NAA35: variants seen among roughly 807,000 people sequenced by gnomAD.
The protein encoded by NAA35 is MAK10 homolog, amino-acid N-acetyltransferase subunit.
Under a neutral mutation model 101.7 loss-of-function variants are expected in NAA35, and 18 were observed. The observed-to-expected ratio is 0.18, with a 90% CI of 0.12 to 0.26. The LOEUF is 0.26. Ranked by LOEUF, NAA35 falls within the 10% of genes least tolerant of loss-of-function variation. The probability of loss-of-function intolerance (pLI) is 1.00; values close to 1 mark genes in which losing one functional copy is unlikely to be tolerated. For missense variants in NAA35, 601 were observed against 886.8 expected, an observed-to-expected ratio of 0.68 and a Z score of 4.09; for synonymous variants, 267 against 273.1, an observed-to-expected ratio of 0.98 and a Z score of 0.22.
At chr9:85,994,317 C>T (rs1831065359) in intron 11 of NAA35, among the ~76,000 whole-genome samples, 1 of 152,152 alleles carries the variant, frequency 6.6e-6, no homozygotes. Flanking sequence ...CTCCCAGTTC[C>T]CTCCTCCCCA....
chr9:85,967,946 C>T (rs1267948963), intron 6 of NAA35, among the ~76,000 whole-genome samples: 1 of 152,148 alleles, frequency 6.6e-6, no homozygotes, highest in Admixed American at 6.5e-5. Flanking sequence ...TGCTCACATG[C>T]CCAAAATAGG....
At chr9:85,961,897 T>G in intron 5 of NAA35, 116 bp from the exon 6 acceptor site, 1 of 646,562 alleles carries the variant, frequency 1.5e-6, no homozygotes. Flanking sequence ...TTTTTTTAAG[T>G]CTTGTGATTA....
At chr9:85,955,346 ATATATATATATATATT>A (rs1487857808) in intron 2 of NAA35, among the ~76,000 whole-genome samples, 12 of 69,376 alleles carry the variant, frequency 1.7e-4, no homozygotes, top group African/African-American at 7.8e-4. Flanking sequence ...ATATATATAT[ATATATATATATATATT>A]TTTTTTTTTT....
intron 13 of NAA35, 115 bp from the exon 14 acceptor site, chr9:86,007,243 A>G (rs1302661470): frequency 1.5e-6 from 1 of 673,584 alleles, no homozygotes; most frequent in African/African-American, 1.8e-5. Flanking sequence ...AATTTTCACA[A>G]ACTTTTTATA....
Position 85,941,184 on chromosome 9 carries a change from G to C in NAA35, c.-95G>C. ...CACGCTGCCGGTCGGGCTGGGCTGA[G>C]AGGGGAGGGGGCGGCGGCGGCCGAG... On this transcript the variant is annotated 5_prime_UTR_variant, in exon 1 of 23. Coordinates refer to ENST00000361671, the MANE Select transcript of NAA35 (RefSeq NM_024635.4). 1.0e-6 allele frequency: 1 copy of C among 986,868 alleles called. No homozygotes were observed. Among genetic ancestry groups the C allele is most frequent in the Non-Finnish European group, 1.2e-6 (1 of 830,898 alleles). The allele number at this position is 986,868 out of a possible 1,614,324, so 61.1% of individuals were successfully genotyped here.
At chr9:86,014,372 A>G (rs1291904014) in intron 17 of NAA35, 1 of 983,050 alleles carries the variant, frequency 1.0e-6, no homozygotes, top group African/African-American at 1.7e-5. Context: ...GATCTTCGGC[A>G]GAGTAGTTCT....
At chr9:85,997,502 T>A (rs1831214990) in intron 12 of NAA35, among the ~76,000 whole-genome samples, 1 of 151,808 alleles carries the variant, frequency 6.6e-6, no homozygotes, top group Admixed American at 6.6e-5. Flanking sequence ...CCACCATGCA[T>A]GGCTAATTTT....
Position 85,964,092 on chromosome 9 carries a change from A to G in NAA35, c.516+1912A>G, listed in dbSNP as rs146222223. Among the ~76,000 whole-genome samples the G allele has an allele frequency of 4.0e-3, 613 of 151,906 alleles. 9 individuals are homozygous for G. Among genetic ancestry groups the G allele is most frequent in the African/African-American group, 0.014 (582 of 41,416 alleles). ...ACTCAAATACTCTATGTGTGTGTCAATGAATATGAGCAGTCATTATTTCCC... is the reference window on the plus strand; with the variant it reads ...ACTCAAATACTCTATGTGTGTGTCAGTGAATATGAGCAGTCATTATTTCCC... On this transcript the variant is annotated intron_variant, in intron 6 of 22. Coordinates refer to ENST00000361671, the MANE Select transcript of NAA35 (RefSeq NM_024635.4).
At chr9:85,991,782 G>A (rs1830922270) in intron 11 of NAA35, among the ~76,000 whole-genome samples, 1 of 152,140 alleles carries the variant, frequency 6.6e-6, no homozygotes, top group Non-Finnish European at 1.5e-5. Context: ...ACTTTATTTG[G>A]GAAAGGGATC....
intron 3 of NAA35, among the ~76,000 whole-genome samples, chr9:85,956,970 G>A (rs533190343): frequency 6.6e-6 from 1 of 152,132 alleles, no homozygotes; most frequent in African/African-American, 2.4e-5. Context: ...AGAGGAGGAC[G>A]CAAGAGAGAG....
rs1007627785 is a variant in NAA35, at chr9:85,948,877, C to G, written c.124+6594C>G. 4.6e-5 allele frequency among the ~76,000 whole-genome samples: 7 copies of G among 152,200 alleles called. No individual in the cohort carries two copies. In the East Asian group the frequency reaches 9.7e-4, roughly 21 times the overall value. On this transcript the variant is annotated intron_variant, in intron 2 of 22. Coordinates refer to ENST00000361671, the MANE Select transcript of NAA35 (RefSeq NM_024635.4). ...GGTTCAGGCGATTCTCCTGCCTCAG[C>G]CTCCCGGGTAGCAGGGATTACTGGC...
intron 2 of NAA35, among the ~76,000 whole-genome samples, chr9:85,951,251 C>T (rs1829008435): frequency 6.6e-6 from 1 of 151,990 alleles, no homozygotes; most frequent in Admixed American, 6.6e-5. Flanking sequence ...TAGAGTTTGA[C>T]ATTTTTGCAA....
At chr9:85,989,949 C>T (rs575254137) in intron 11 of NAA35, among the ~76,000 whole-genome samples, 8 of 152,070 alleles carry the variant, frequency 5.3e-5, no homozygotes, top group African/African-American at 1.2e-4. Flanking sequence ...TAACCAATGG[C>T]GATAGAGATA....
intron 6 of NAA35, among the ~76,000 whole-genome samples, chr9:85,970,708 T>A (rs1829964632): frequency 6.6e-6 from 1 of 152,070 alleles, no homozygotes; most frequent in Non-Finnish European, 1.5e-5. Context: ...TGAAGTACTG[T>A]TTGAAAAGAT....
At chr9:85,996,648 T>A (rs1398801529) in intron 12 of NAA35, 71 bp downstream of exon 12, 7 of 1,194,454 alleles carry the variant, frequency 5.9e-6, no homozygotes, top group Non-Finnish European at 8.1e-6. Context: ...ATTGTACATA[T>A]TTATGTGGTA....
In NAA35 at chr9:85,992,896, A is replaced by C. The variant is rs919730776; in HGVS notation, c.878-3503A>C. Among the ~76,000 whole-genome samples, 3 of 152,208 alleles carry C rather than the reference A, an allele frequency of 2.0e-5. No homozygotes were observed. The East Asian group carries it at 5.8e-4, about 29-fold the overall frequency. Reference sequence around the variant, plus strand: ...TTTGTAGGAATAACACTCTAAACATACTTGAGGGTGGTTTACTATTGACTG... The same window carrying C: ...TTTGTAGGAATAACACTCTAAACATCCTTGAGGGTGGTTTACTATTGACTG... On this transcript the variant is annotated intron_variant, in intron 11 of 22. Transcript: ENST00000361671.
chr9:86,006,602 A>G (rs1831653545), intron 13 of NAA35, among the ~76,000 whole-genome samples: 1 of 152,218 alleles, frequency 6.6e-6, no homozygotes, highest in Admixed American at 6.5e-5. Flanking sequence ...AAACTGATAG[A>G]GCTGGAGAGC....
chr9:85,957,611 G>A (rs1829333161), intron 3 of NAA35, among the ~76,000 whole-genome samples: 1 of 152,140 alleles, frequency 6.6e-6, no homozygotes. Context: ...TTTGGTGGAG[G>A]CAAACCACAT....
intron 15 of NAA35, among the ~76,000 whole-genome samples, chr9:86,011,509 G>A (rs1220428564): frequency 6.6e-6 from 1 of 150,704 alleles, no homozygotes; most frequent in Admixed American, 6.6e-5. Context: ...CAGGCTCATG[G>A]CACCACACCT....
Sources: gnomAD v4.1 joint callset for allele counts (sites outside exome capture counted in the v4.1 genomes callset) on GRCh38, gnomAD v4.1.1 for gene constraint, MANE v1.5 for transcripts, NCBI Gene and HGNC (gene_info 2026-07-23, HGNC 2026-07-21) for gene names.